The following ATF2 variants were observed in gnomAD, a reference collection of about 807,000 sequenced individuals.
The protein encoded by ATF2 is activating transcription factor 2.
ATF2 carries 24 observed loss-of-function variants against 60.6 expected under a neutral mutation model. That is an observed-to-expected ratio of 0.40 (90% CI 0.29 to 0.56). The LOEUF (loss-of-function observed/expected upper bound fraction) is 0.56. Ranked by LOEUF, ATF2 falls within the 20% of genes least tolerant of loss-of-function variation. The probability of loss-of-function intolerance (pLI) is 0.54; values close to 1 mark genes in which losing one functional copy is unlikely to be tolerated. For synonymous variants in ATF2, 206 were observed against 215.4 expected, an observed-to-expected ratio of 0.96 and a Z score of 0.38; for missense variants, 433 against 607.7, an observed-to-expected ratio of 0.71 and a Z score of 3.02.
chr2:175,107,548 C>CGGTCTCCCTCTCCCTCTCCCCAT (rs1367678267), intron 10 of ATF2, among the ~76,000 whole-genome samples: 5 of 141,830 alleles, frequency 3.5e-5, no homozygotes, highest in South Asian at 2.2e-4. Context: ...CCTCTCCCCA[C>CGGTCTCCCTCTCCCTCTCCCCAT]GGTCTCCCTC....
intron 10 of ATF2, among the ~76,000 whole-genome samples, chr2:175,102,638 G>A (rs1162905805): frequency 6.6e-6 from 1 of 151,892 alleles, no homozygotes; most frequent in African/African-American, 2.4e-5. Context: ...GTGTGGTGGT[G>A]CATGCCTGTA....
At chr2:175,134,383 G>A (rs1278844221) in intron 3 of ATF2, among the ~76,000 whole-genome samples, 1 of 150,930 alleles carries the variant, frequency 6.6e-6, no homozygotes, top group Non-Finnish European at 1.5e-5. Context: ...AGGAACAACT[G>A]TATATCTAAA....
At chr2:175,122,860 AAAAG>A in intron 4 of ATF2, among the ~76,000 whole-genome samples, 1 of 152,088 alleles carries the variant, frequency 6.6e-6, no homozygotes, top group Non-Finnish European at 1.5e-5. Context: ...AGGGGGCTAA[AAAAG>A]ACCCTAAACC....
intron 12 of ATF2, among the ~76,000 whole-genome samples, chr2:175,088,243 G>A (rs544880256): frequency 1.3e-5 from 2 of 152,076 alleles, no homozygotes; most frequent in Admixed American, 6.5e-5. Context: ...CTTTCATCTA[G>A]AATATAGTTA....
At chr2:175,091,647 G>T (rs1181658502) in intron 12 of ATF2, among the ~76,000 whole-genome samples, 1 of 152,110 alleles carries the variant, frequency 6.6e-6, no homozygotes. Flanking sequence ...TGGATCACCT[G>T]AGGTCAGGAG....
intron 5 of ATF2, among the ~76,000 whole-genome samples, chr2:175,121,098 G>C (rs982828149): frequency 6.6e-6 from 1 of 151,748 alleles, no homozygotes; most frequent in Admixed American, 6.6e-5. Context: ...ACACAGCCTT[G>C]TAAGTCAGTT....
chr2:175,097,049 A>AT (rs1193954603), intron 11 of ATF2, among the ~76,000 whole-genome samples: 1 of 152,232 alleles, frequency 6.6e-6, no homozygotes, highest in Non-Finnish European at 1.5e-5. Flanking sequence ...TAAGGTTCTA[A>AT]TATTATTTTT....
At chr2:175,146,836 C>T (rs570831097) in intron 2 of ATF2, among the ~76,000 whole-genome samples, 65 of 152,280 alleles carry the variant, frequency 4.3e-4, no homozygotes, top group African/African-American at 1.5e-3. Flanking sequence ...GTACTATCTA[C>T]AGTCTCAGGC....
intron 3 of ATF2, 123 bp downstream of exon 3, chr2:175,136,289 T>C (rs762343269): frequency 2.2e-6 from 2 of 909,656 alleles, no homozygotes; most frequent in Non-Finnish European, 3.5e-6. Flanking sequence ...ACATACTAAG[T>C]AAGTGACTTG....
intron 7 of ATF2, 141 bp downstream of exon 7, chr2:175,117,849 G>A (rs1341638288): frequency 2.3e-6 from 2 of 878,410 alleles, no homozygotes; most frequent in African/African-American, 3.5e-5. Flanking sequence ...TGAAATATCT[G>A]AGTATTGACA....
At chr2:175,141,030 A>AATATATATATATATATATATATATAT (rs1553513531) in intron 2 of ATF2, among the ~76,000 whole-genome samples, 1 of 37,620 alleles carries the variant, frequency 2.7e-5, no homozygotes, top group African/African-American at 1.2e-4. Flanking sequence ...AAAAAAAAAA[A>AATATATATATATATATATATATATAT]ATATATATAT....
intron 4 of ATF2, among the ~76,000 whole-genome samples, chr2:175,122,601 A>G (rs1697040961): frequency 6.6e-6 from 1 of 152,036 alleles, no homozygotes; most frequent in South Asian, 2.1e-4. Context: ...AGAATGAAAC[A>G]TTTTTAACAT....
At chr2:175,115,570 G>GT (rs1483899869) in intron 7 of ATF2, among the ~76,000 whole-genome samples, 2 of 152,124 alleles carry the variant, frequency 1.3e-5, no homozygotes, top group Admixed American at 1.3e-4. Context: ...TCCTTAAATA[G>GT]TCAGTGTAAA....
intron 1 of ATF2, chr2:175,167,735 G>T: frequency 2.1e-6 from 1 of 477,854 alleles, no homozygotes; most frequent in Non-Finnish European, 4.3e-6. Flanking sequence ...CGGAGGGAGG[G>T]GTCTAAGAGG....
At chr2:175,159,730 TAAAG>T (rs1699901772) in intron 1 of ATF2, among the ~76,000 whole-genome samples, 1 of 152,218 alleles carries the variant, frequency 6.6e-6, no homozygotes, top group East Asian at 1.9e-4. Context: ...CTAGGCAATG[TAAAG>T]AAAGCAAGTA....
At chr2:175,100,872 A>G (rs1387971650) in intron 10 of ATF2, among the ~76,000 whole-genome samples, 1 of 152,232 alleles carries the variant, frequency 6.6e-6, no homozygotes, top group East Asian at 1.9e-4. Context: ...AGTAGGGTGG[A>G]TGCGTCAGGT....
At chr2:175,167,888 C>T (rs1313507812) in intron 1 of ATF2, 162 bp downstream of exon 1, 1 of 389,438 alleles carries the variant, frequency 2.6e-6, no homozygotes, top group Non-Finnish European at 5.4e-6. Context: ...GGTGGCAGCA[C>T]AGCCACAATC....
chr2:175,105,719 ATG>A (rs1695608995), intron 10 of ATF2, among the ~76,000 whole-genome samples: 1 of 152,210 alleles, frequency 6.6e-6, no homozygotes, highest in African/African-American at 2.4e-5. Flanking sequence ...TGTTTCACAA[ATG>A]AGCTGAAATA....
intron 3 of ATF2, among the ~76,000 whole-genome samples, chr2:175,134,046 TAC>T (rs1449249483): frequency 6.6e-6 from 1 of 152,154 alleles, no homozygotes; most frequent in East Asian, 1.9e-4. Context: ...AAAGAATATG[TAC>T]AGTCAGCCCT....
Sources: allele counts gnomAD v4.1 joint callset (sites outside exome capture counted in the v4.1 genomes callset), GRCh38; gene constraint gnomAD v4.1.1; transcripts MANE v1.5; gene names NCBI Gene and HGNC (gene_info 2026-07-23, HGNC 2026-07-21).